Variants in EYS observed in about 807,000 individuals in gnomAD.
EYS encodes EGF-like photoreceptor maintenance factor, also known as protein eyes shut homolog.
Under a neutral mutation model 282.1 loss-of-function variants are expected in EYS, and 250 were observed. The observed-to-expected ratio is 0.89, with a 90% CI of 0.80 to 0.98. EYS has a LOEUF of 0.98. EYS is among the 50% of genes least tolerant of loss of function. The pLI is 0.00. For missense variants in EYS, 4,016 were observed against 3,709.0 expected (o/e 1.08, Z -2.15); for synonymous variants, 1,355 against 1,282.9 (o/e 1.06, Z -1.20).
intron 42 of EYS, among the ~76,000 whole-genome samples, chr6:63,722,968 G>A (rs80094389): frequency 1.6e-3 from 238 of 152,314 alleles, no homozygotes; most frequent in African/African-American, 5.2e-3. Context: ...TATCCACTAG[G>A]TTGTAAGCTT....
chr6:64,843,643 G>A (rs915113908), intron 19 of EYS, among the ~76,000 whole-genome samples: 4 of 152,130 alleles, frequency 2.6e-5, no homozygotes, highest in Non-Finnish European at 5.9e-5. Flanking sequence ...TTGTATCTAG[G>A]AAGTAACTAG....
At chr6:63,832,589 A>C (rs1433334298) in intron 36 of EYS, among the ~76,000 whole-genome samples, 4 of 152,164 alleles carry the variant, frequency 2.6e-5, no homozygotes, top group African/African-American at 9.7e-5. Context: ...CTACCAACCC[A>C]AAAAAGTCCA....
intron 8 of EYS, among the ~76,000 whole-genome samples, chr6:65,366,831 A>G (rs1764929670): frequency 6.6e-6 from 1 of 151,526 alleles, no homozygotes; most frequent in Non-Finnish European, 1.5e-5. Flanking sequence ...CTCAGCTTCT[A>G]TTGGTAGCCT....
At chr6:64,088,302 C>T (rs569675329) in intron 31 of EYS, among the ~76,000 whole-genome samples, 93 of 152,044 alleles carry the variant, frequency 6.1e-4, no homozygotes, top group African/African-American at 2.0e-3. Flanking sequence ...GGTCTTTATA[C>T]GAAACATGTA....
chr6:65,078,020 C>T (rs1381727463), intron 12 of EYS, among the ~76,000 whole-genome samples: 3 of 152,012 alleles, frequency 2.0e-5, no homozygotes, highest in African/African-American at 7.2e-5. Context: ...AAACAAGGTA[C>T]TTTTGTTAAT....
At chr6:64,492,050 G>T (rs938831282) in intron 26 of EYS, among the ~76,000 whole-genome samples, 1 of 150,908 alleles carries the variant, frequency 6.6e-6, no homozygotes, top group African/African-American at 2.4e-5. Flanking sequence ...CCAGAAAATT[G>T]TTAACTTTGA....
chr6:64,722,852 A>AC (rs1055865625), intron 22 of EYS, among the ~76,000 whole-genome samples: 2 of 152,112 alleles, frequency 1.3e-5, no homozygotes, highest in African/African-American at 4.8e-5. Flanking sequence ...ATAAAGGATT[A>AC]CCCCTTTTTC....
intron 2 of EYS, among the ~76,000 whole-genome samples, chr6:65,616,405 CA>C (rs66800400): frequency 0.36 from 54,328 of 152,028 alleles, 12,099 homozygotes; most frequent in Non-Finnish European, 0.49. Flanking sequence ...TTGCTTCAAA[CA>C]ACAAACCCAC....
At chr6:65,385,443 C>T (rs1357585823) in intron 7 of EYS, among the ~76,000 whole-genome samples, 1 of 151,942 alleles carries the variant, frequency 6.6e-6, no homozygotes, top group Non-Finnish European at 1.5e-5. Context: ...TTTGCATTTT[C>T]ATCTTGCAGA....
intron 31 of EYS, among the ~76,000 whole-genome samples, chr6:64,226,521 C>T (rs1187338530): frequency 6.6e-6 from 1 of 152,038 alleles, no homozygotes; most frequent in Non-Finnish European, 1.5e-5. Flanking sequence ...CAACACAAGG[C>T]ACTGATATTC....
chr6:64,121,031 TCA>T (rs1481996994), intron 31 of EYS, among the ~76,000 whole-genome samples: 1 of 152,144 alleles, frequency 6.6e-6, no homozygotes, highest in African/African-American at 2.4e-5. Context: ...GGGACCACTC[TCA>T]GTTCCTAGAG....
chr6:63,903,931 A>T (rs568469465), intron 35 of EYS, among the ~76,000 whole-genome samples: 1 of 152,254 alleles, frequency 6.6e-6, no homozygotes, highest in South Asian at 2.1e-4. Context: ...AGGTGAAATT[A>T]TACAAACATC....
intron 22 of EYS, among the ~76,000 whole-genome samples, chr6:64,664,824 C>T (rs1769172275): frequency 6.6e-6 from 1 of 152,144 alleles, no homozygotes; most frequent in African/African-American, 2.4e-5. Context: ...TTGGACTTCC[C>T]ATCCTCCAGA....
At position 64,694,742 on chromosome 6, in the gene EYS, T is replaced by C. The variant is rs115745813; in HGVS notation, c.3444-68497A>G. Among the ~76,000 whole-genome samples, 819 of 152,276 alleles carry C rather than the reference T, an allele frequency of 5.4e-3. 3 individuals are homozygous for C. Among genetic ancestry groups the C allele is most frequent in the Non-Finnish European group, 9.2e-3 (625 of 68,014 alleles). On this transcript the variant is annotated intron_variant, in intron 22 of 42. Coordinates refer to ENST00000503581, the MANE Select transcript of EYS (RefSeq NM_001142800.2). ...GTAGCATAAGCTCCAGCGATGGACA[T>C]GGGAGTTGGATGTCCCCACTTTTGT...
At chr6:65,054,164 G>A (rs1773350286) in intron 13 of EYS, among the ~76,000 whole-genome samples, 1 of 151,972 alleles carries the variant, frequency 6.6e-6, no homozygotes, top group East Asian at 1.9e-4. Context: ...TTTCCTATTA[G>A]CATTCAAAGG....
At chr6:65,419,448 T>C (rs1381696717) in intron 5 of EYS, among the ~76,000 whole-genome samples, 2 of 151,636 alleles carry the variant, frequency 1.3e-5, no homozygotes, top group African/African-American at 4.8e-5. Context: ...ATATAATTTA[T>C]CAAAAAAAAA....
chr6:63,780,242 T>C lies in EYS; in HGVS notation c.7724-2062A>G, dbSNP rs142180164. Reference sequence around the variant, plus strand: ...TGTGTCTTTATAGCAGCATGTTTTATAATCCTTTAGGTATATGCCCAGTAA... The same window carrying C: ...TGTGTCTTTATAGCAGCATGTTTTACAATCCTTTAGGTATATGCCCAGTAA... On this transcript the variant is annotated intron_variant, in intron 39 of 42. Transcript: ENST00000503581. Among the ~76,000 whole-genome samples, 621 of 152,360 alleles carry C rather than the reference T, an allele frequency of 4.1e-3. 2 individuals carry two copies. The highest frequency in any genetic ancestry group is 7.5e-3 in the African/African-American group (312 of 41,582).
intron 12 of EYS, among the ~76,000 whole-genome samples, chr6:65,150,207 T>C (rs1214294692): frequency 6.6e-6 from 1 of 152,102 alleles, no homozygotes; most frequent in Admixed American, 6.6e-5. Context: ...AACACTTTTA[T>C]CTGGTATTAT....
intron 8 of EYS, among the ~76,000 whole-genome samples, chr6:65,355,639 C>A (rs1426704023): frequency 1.3e-5 from 2 of 151,814 alleles, no homozygotes; most frequent in Non-Finnish European, 2.9e-5. Flanking sequence ...AAAATACAAC[C>A]AAATAACCCA....
Sources: gnomAD v4.1 joint callset for allele counts (sites outside exome capture counted in the v4.1 genomes callset) on GRCh38, gnomAD v4.1.1 for gene constraint, MANE v1.5 for transcripts, NCBI Gene and HGNC (gene_info 2026-07-23, HGNC 2026-07-21) for gene names.